The following DCT variants were observed in gnomAD, a reference collection of about 807,000 sequenced individuals.
DCT encodes the protein dopachrome tautomerase, also known as L-dopachrome tautomerase.
A neutral mutation model predicts 53.0 loss-of-function variants in DCT; 47 were observed. That is an observed-to-expected ratio of 0.89 (90% CI 0.70 to 1.13). The LOEUF (loss-of-function observed/expected upper bound fraction) is 1.13. DCT is among the 50% of genes most tolerant of loss of function. DCT has a pLI of 0.00. For synonymous variants in DCT, 244 were observed against 237.0 expected, an observed-to-expected ratio of 1.03 and a Z score of -0.27; for missense variants, 669 against 637.4, an observed-to-expected ratio of 1.05 and a Z score of -0.53.
intron 6 of DCT, among the ~76,000 whole-genome samples, 195 bp from the exon 7 acceptor site, chr13:94,443,832 G>A (rs989062909): frequency 2.5e-4 from 38 of 152,112 alleles, no homozygotes; most frequent in African/African-American, 7.7e-4. Context: ...CTATGATGGC[G>A]AGGATCAAGA....
chr13:94,475,333 G>C (rs1399622716), intron 1 of DCT, among the ~76,000 whole-genome samples: 1 of 152,192 alleles, frequency 6.6e-6, no homozygotes, highest in Non-Finnish European at 1.5e-5. Flanking sequence ...CAATACAATG[G>C]AATATTATTC....
chr13:94,468,575 T>G, intron 2 of DCT, 171 bp downstream of exon 2: 2 of 641,932 alleles, frequency 3.1e-6, no homozygotes, highest in Non-Finnish European at 5.5e-6. Context: ...AGGAAGAAAC[T>G]GCTTCCTTCT....
At chr13:94,538,094 G>T in the DCT span, among the ~76,000 whole-genome samples, 2 of 152,074 alleles carry the variant, frequency 1.3e-5, no homozygotes, top group Non-Finnish European at 1.5e-5. Context: ...TTATTGTGTG[G>T]ATAAGGTATA....
chr13:94,473,454 G>T (rs1884881051), intron 1 of DCT, among the ~76,000 whole-genome samples: 1 of 152,132 alleles, frequency 6.6e-6, no homozygotes, highest in East Asian at 1.9e-4. Context: ...ACTTATGATG[G>T]ATTATTGGGA....
the DCT span, among the ~76,000 whole-genome samples, chr13:94,508,899 G>T: frequency 1.3e-5 from 2 of 152,180 alleles, no homozygotes; most frequent in African/African-American, 4.8e-5. Flanking sequence ...ACAGGGGATT[G>T]GTACTTAAAT....
At chr13:94,465,896 T>C (rs568296424) in intron 3 of DCT, 97 bp from the exon 4 acceptor site, 1 of 832,394 alleles carries the variant, frequency 1.2e-6, no homozygotes, top group Non-Finnish European at 1.7e-6. Flanking sequence ...GAACCAAATA[T>C]CTACCAAGAC....
At chr13:94,496,368 A>C in the DCT span, among the ~76,000 whole-genome samples, 2 of 151,850 alleles carry the variant, frequency 1.3e-5, no homozygotes, top group East Asian at 3.9e-4. Context: ...TAATTTTTGT[A>C]TTTTTAGTAA....
At chr13:94,481,338 G>A (rs1391635477), upstream of DCT, among the ~76,000 whole-genome samples, 1 of 152,154 alleles carries the variant, frequency 6.6e-6, no homozygotes, top group Non-Finnish European at 1.5e-5. Flanking sequence ...AACACATCAT[G>A]GGTGGGAAGA....
upstream of DCT, among the ~76,000 whole-genome samples, chr13:94,482,560 GT>G (rs1885492594): frequency 6.6e-6 from 1 of 152,128 alleles, no homozygotes; most frequent in African/African-American, 2.4e-5. Context: ...TATTGGTTAG[GT>G]GGCTGAAAGA....
the DCT span, among the ~76,000 whole-genome samples, chr13:94,508,804 G>C: frequency 6.6e-6 from 1 of 152,206 alleles, no homozygotes; most frequent in South Asian, 2.1e-4. Context: ...TACAGGAGAT[G>C]CTGCCTCAGA....
the DCT span, among the ~76,000 whole-genome samples, chr13:94,548,096 T>G: frequency 6.6e-6 from 1 of 151,636 alleles, no homozygotes; most frequent in Middle Eastern, 3.4e-3. Context: ...CCTGTATGTT[T>G]ATGCACACCT....
the DCT span, among the ~76,000 whole-genome samples, chr13:94,505,089 G>T: frequency 6.6e-6 from 1 of 151,770 alleles, no homozygotes; most frequent in African/African-American, 2.4e-5. Flanking sequence ...CACCAAAAAA[G>T]TTTAGAAAAT....
upstream of DCT, among the ~76,000 whole-genome samples, chr13:94,484,162 A>G (rs1448539413): frequency 1.3e-5 from 2 of 152,100 alleles, no homozygotes; most frequent in African/African-American, 4.8e-5. Flanking sequence ...GCATCTTTTC[A>G]TTCTTTTCAT....
chr13:94,463,473 C>T (rs533733765), intron 4 of DCT, among the ~76,000 whole-genome samples: 9 of 112,476 alleles, frequency 8.0e-5, no homozygotes, highest in South Asian at 6.4e-4. Context: ...ACAGAGCTGT[C>T]AGGCTGGTTG....
At chr13:94,456,427 TA>T (rs1180977780) in intron 6 of DCT, among the ~76,000 whole-genome samples, 1 of 152,156 alleles carries the variant, frequency 6.6e-6, no homozygotes, top group Non-Finnish European at 1.5e-5. Flanking sequence ...GTAACAATAA[TA>T]AATCACCTGT....
At chr13:94,476,880 G>A (rs112547375) in intron 1 of DCT, among the ~76,000 whole-genome samples, 7,840 of 152,206 alleles carry the variant, frequency 0.052, 298 homozygotes, top group Non-Finnish European at 0.079. Flanking sequence ...CCAGCAACCT[G>A]CTCCTCATTC....
chr13:94,455,914 T>C (rs2139311341), intron 6 of DCT, among the ~76,000 whole-genome samples: 1 of 152,362 alleles, frequency 6.6e-6, no homozygotes, highest in East Asian at 1.9e-4. Context: ...TGTGTATAAA[T>C]TGTACAGTTG....
the DCT span, among the ~76,000 whole-genome samples, chr13:94,517,904 C>T: frequency 2.0e-5 from 3 of 152,090 alleles, no homozygotes; most frequent in Admixed American, 6.6e-5. Flanking sequence ...CTCCCCACTA[C>T]AGCCTCAAAG....
At chr13:94,440,872 G>C (rs1195436430) in intron 7 of DCT, among the ~76,000 whole-genome samples, 2 of 151,702 alleles carry the variant, frequency 1.3e-5, no homozygotes, top group African/African-American at 4.8e-5. Context: ...GTAGAGACAG[G>C]GTTTCGCCAT....
Sources: gnomAD v4.1 joint callset for allele counts (sites outside exome capture counted in the v4.1 genomes callset) on GRCh38, gnomAD v4.1.1 for gene constraint, MANE v1.5 for transcripts, NCBI Gene and HGNC (gene_info 2026-07-23, HGNC 2026-07-21) for gene names.